Variants in SLC28A1 observed in about 807,000 individuals in gnomAD.
SLC28A1 encodes sodium/nucleoside cotransporter 1.
Under a neutral mutation model 74.8 loss-of-function variants are expected in SLC28A1, and 64 were observed. The ratio of observed to expected loss-of-function variants is 0.86; its 90% CI spans 0.70 to 1.05. SLC28A1 has a LOEUF of 1.05. Among genes scored for constraint, SLC28A1 ranks in the 50% least tolerant of loss-of-function variants. The pLI, the probability that SLC28A1 is intolerant of heterozygous loss-of-function variation, is 0.00. For missense variants in SLC28A1, 828 were observed against 822.8 expected, an observed-to-expected ratio of 1.01 and a Z score of -0.08; for synonymous variants, 359 against 335.0, an observed-to-expected ratio of 1.07 and a Z score of -0.78.
rs754204231 is a variant in SLC28A1, at chr15:84,921,002, T to C, written c.890T>C (p.Met297Thr). 1 of 1,613,930 alleles carries C rather than the reference T, an allele frequency of 6.2e-7. No homozygotes were observed. ...GCTTCCTTCTAGATTGCCTGGCTGA[T>C]GCAAGTCACCATGGGCACCACAGCC... Reference protein sequence around the residue: ...QWVILKIAWLMQVTMGTTATE... With the variant: ...QWVILKIAWLTQVTMGTTATE... Residue 297 changes from methionine to threonine, a missense_variant, in exon 11 of 19, where the codon ATG becomes ACG. Physicochemically the swap from Met to Thr is moderately conservative, Grantham distance 81. Transcript: ENST00000394573.
chr15:84,975,596 A>C, the SLC28A1 span: 1 of 453,848 alleles, frequency 2.2e-6, no homozygotes, highest in African/African-American at 2.0e-5. Flanking sequence ...GCTGGAAATA[A>C]ATGCTCTTCA....
At chr15:84,960,067 T>C in the SLC28A1 span, among the ~76,000 whole-genome samples, 1 of 152,062 alleles carries the variant, frequency 6.6e-6, no homozygotes. Flanking sequence ...GAGAAGAATC[T>C]TCCAGTCTCC....
chr15:84,887,732 A>T lies in SLC28A1; in HGVS notation c.-16-13A>T, dbSNP rs376064839. 2.9e-5 allele frequency: 46 copies of T among 1,611,084 alleles called. No individual in the cohort carries two copies. The highest frequency in any genetic ancestry group is 4.0e-5 in the African/African-American group (3 of 74,728). On this transcript the variant is annotated splice_polypyrimidine_tract_variant and intron_variant, in intron 2 of 18. Transcript: ENST00000394573. Reference sequence around the variant, plus strand: ...CCCTTTCAGCGTTGGGCGCTCCCTGATTTGTCTTTCAGCTGGAAGGTCTGG... The same window carrying T: ...CCCTTTCAGCGTTGGGCGCTCCCTGTTTTGTCTTTCAGCTGGAAGGTCTGG...
chr15:84,965,903 A>AGGGGGGGGGGGGGGGGGGGGGGG, the SLC28A1 span, among the ~76,000 whole-genome samples: 1 of 117,762 alleles, frequency 8.5e-6, no homozygotes, highest in African/African-American at 3.3e-5. Context: ...GGAGGCGGGG[A>AGGGGGGGGGGGGGGGGGGGGGGG]GGGGGGGGAA....
intron 6 of SLC28A1, among the ~76,000 whole-genome samples, chr15:84,896,536 G>A (rs971338378): frequency 1.3e-5 from 2 of 152,116 alleles, no homozygotes; most frequent in African/African-American, 4.8e-5. Flanking sequence ...TAGGCTGGCC[G>A]GGCACGGTGG....
downstream of SLC28A1, among the ~76,000 whole-genome samples, chr15:84,950,671 C>T (rs2079389421): frequency 6.6e-6 from 1 of 152,126 alleles, no homozygotes; most frequent in Admixed American, 6.5e-5. Context: ...CACCACTGCA[C>T]TCCAGCCTGG....
the SLC28A1 span, chr15:84,961,449 A>G: frequency 2.2e-6 from 1 of 450,246 alleles, no homozygotes; most frequent in Admixed American, 2.4e-5. Context: ...TTCCTACCTC[A>G]GTCTCCCAAG....
At chr15:84,905,795 C>T in intron 8 of SLC28A1, 143 bp downstream of exon 8, 3 of 706,074 alleles carry the variant, frequency 4.2e-6, no homozygotes, top group Non-Finnish European at 7.7e-6. Flanking sequence ...GGCCCCAGAC[C>T]AGGTGGGCAG....
chr15:84,951,136 C>A, the SLC28A1 span, among the ~76,000 whole-genome samples: 1 of 152,112 alleles, frequency 6.6e-6, no homozygotes, highest in Admixed American at 6.6e-5. Flanking sequence ...AGGCAACACC[C>A]GAGAGATGGA....
intron 9 of SLC28A1, among the ~76,000 whole-genome samples, chr15:84,909,990 T>A (rs1293470757): frequency 6.6e-6 from 1 of 152,212 alleles, no homozygotes; most frequent in Non-Finnish European, 1.5e-5. Context: ...TGGGCTGGCG[T>A]TGAGCCAGAT....
intron 4 of SLC28A1, among the ~76,000 whole-genome samples, chr15:84,889,305 G>A (rs1006363658): frequency 1.3e-5 from 2 of 152,240 alleles, no homozygotes; most frequent in African/African-American, 4.8e-5. Context: ...GGCAGCGAGT[G>A]TCTGAGGTGA....
intron 12 of SLC28A1, among the ~76,000 whole-genome samples, chr15:84,925,851 C>T (rs887399187): frequency 1.3e-5 from 2 of 151,814 alleles, no homozygotes; most frequent in African/African-American, 4.8e-5. Flanking sequence ...TATTCAAGCT[C>T]ACTGATGTTC....
At chr15:84,922,414 G>T (rs1358520951) in intron 11 of SLC28A1, among the ~76,000 whole-genome samples, 1 of 152,070 alleles carries the variant, frequency 6.6e-6, no homozygotes, top group Admixed American at 6.5e-5. Context: ...CCACAGGATG[G>T]TTCAGGCGGA....
the SLC28A1 span, among the ~76,000 whole-genome samples, chr15:84,975,022 G>T: frequency 6.6e-6 from 1 of 152,068 alleles, no homozygotes. Flanking sequence ...GATATAACAG[G>T]GTGAAACCTT....
intron 5 of SLC28A1, among the ~76,000 whole-genome samples, chr15:84,892,250 A>G (rs1354579375): frequency 6.6e-6 from 1 of 152,146 alleles, no homozygotes; most frequent in African/African-American, 2.4e-5. Flanking sequence ...ACAGATGCAG[A>G]GTCATTATAG....
the SLC28A1 span, chr15:84,975,382 C>T: frequency 1.5e-5 from 6 of 411,552 alleles, no homozygotes; most frequent in Middle Eastern, 3.4e-4. Context: ...GTTTCTAACT[C>T]ATGTCTTATT....
chr15:84,923,564 C>G (rs34757170), intron 11 of SLC28A1, among the ~76,000 whole-genome samples: 57,540 of 151,960 alleles, frequency 0.38, 11,729 homozygotes, highest in Middle Eastern at 0.52. Flanking sequence ...TTTTTGGCCA[C>G]CGCTGTGGCT....
At chr15:84,959,015 G>A in the SLC28A1 span, among the ~76,000 whole-genome samples, 328 of 148,070 alleles carry the variant, frequency 2.2e-3, 1 homozygote, top group South Asian at 5.5e-3. Context: ...CAGGAGAATC[G>A]TTTGAACCCA....
intron 5 of SLC28A1, among the ~76,000 whole-genome samples, chr15:84,893,928 G>A (rs773608009): frequency 2.6e-5 from 4 of 152,210 alleles, no homozygotes; most frequent in Admixed American, 6.5e-5. Flanking sequence ...AGGCTCAGGC[G>A]CTTTCTCTGT....
Sources: gnomAD v4.1 joint callset for allele counts (sites outside exome capture counted in the v4.1 genomes callset) on GRCh38, gnomAD v4.1.1 for gene constraint, MANE v1.5 for transcripts, NCBI Gene and HGNC (gene_info 2026-07-23, HGNC 2026-07-21) for gene names.